CD163L1: variants seen among roughly 807,000 people sequenced by gnomAD.
CD163L1 encodes the protein CD163 molecule like 1, also known as scavenger receptor cysteine-rich type 1 protein M160.
A neutral mutation model predicts 165.4 loss-of-function variants in CD163L1; 124 were observed. That is an observed-to-expected ratio of 0.75 (90% CI 0.65 to 0.87). The LOEUF (loss-of-function observed/expected upper bound fraction) is 0.87, where lower values mean the gene tolerates loss of function less well. Among genes scored for constraint, CD163L1 ranks in the 40% least tolerant of loss-of-function variants. CD163L1 has a pLI of 0.00. For missense variants in CD163L1, 1,525 were observed against 1,799.9 expected (o/e 0.85, Z 2.76); for synonymous variants, 585 against 662.2 (o/e 0.88, Z 1.79).
At chr12:7,352,289 A>C (rs1421977772), downstream of CD163L1, among the ~76,000 whole-genome samples, 1 of 152,120 alleles carries the variant, frequency 6.6e-6, no homozygotes, top group Non-Finnish European at 1.5e-5. Context: ...AAATGACCCA[A>C]CTTAGAGTAA....
intron 8 of CD163L1, among the ~76,000 whole-genome samples, chr12:7,390,624 C>T (rs1325813262): frequency 2.0e-5 from 3 of 152,036 alleles, no homozygotes; most frequent in Non-Finnish European, 2.9e-5. Context: ...GATAACTCTA[C>T]GTCTACCTAC....
At chr12:7,421,047 A>ATACATATATATATACGTGTATATATACG (rs1565808776) in intron 4 of CD163L1, among the ~76,000 whole-genome samples, 1 of 97,990 alleles carries the variant, frequency 1.0e-5, no homozygotes, top group Non-Finnish European at 1.8e-5. Flanking sequence ...GTGTATATAT[A>ATACATATATATATACGTGTATATATACG]TGTATATACG....
At chr12:7,407,681 A>G (rs974975541) in intron 4 of CD163L1, among the ~76,000 whole-genome samples, 7 of 151,754 alleles carry the variant, frequency 4.6e-5, no homozygotes, top group African/African-American at 1.7e-4. Flanking sequence ...ATACACACAC[A>G]TATATATAGT....
At chr12:7,323,623 C>A in the CD163L1 span, 1 of 1,425,284 alleles carries the variant, frequency 7.0e-7, no homozygotes, top group Non-Finnish European at 9.8e-7. Context: ...TCATTTCCAC[C>A]GTGTCTTGCT....
At chr12:7,367,001 G>A (rs1031111523) in intron 18 of CD163L1, among the ~76,000 whole-genome samples, 3 of 152,122 alleles carry the variant, frequency 2.0e-5, no homozygotes, top group South Asian at 2.1e-4. Context: ...TTTGCTTGGT[G>A]CCTCTGCCAT....
chr12:7,379,467 T>G (rs1481411527), intron 8 of CD163L1, among the ~76,000 whole-genome samples, 169 bp from the exon 9 acceptor site: 2 of 152,218 alleles, frequency 1.3e-5, no homozygotes, highest in African/African-American at 4.8e-5. Flanking sequence ...TCAAACTTAA[T>G]TTTCCTTTTT....
intron 8 of CD163L1, among the ~76,000 whole-genome samples, chr12:7,380,293 G>GTATACACATATACATACA (rs1565783990): frequency 8.6e-6 from 1 of 115,840 alleles, no homozygotes; most frequent in African/African-American, 2.9e-5. Flanking sequence ...GTGTGTGTGT[G>GTATACACATATACATACA]TGTGTGTGTA....
chr12:7,363,971 CA>C (rs1449979036), intron 18 of CD163L1, among the ~76,000 whole-genome samples: 1 of 151,938 alleles, frequency 6.6e-6, no homozygotes, highest in Non-Finnish European at 1.5e-5. Flanking sequence ...CAAAACCAGA[CA>C]ATGAAACAAC....
the CD163L1 span, among the ~76,000 whole-genome samples, chr12:7,330,280 CAT>C: frequency 2.0e-5 from 3 of 152,200 alleles, no homozygotes; most frequent in African/African-American, 4.8e-5. Context: ...ATTAAATAAA[CAT>C]AGCCACCTGT....
chr12:7,379,410 T>C (rs1947340712), intron 8 of CD163L1, 112 bp from the exon 9 acceptor site: 1 of 1,049,756 alleles, frequency 9.5e-7, no homozygotes, highest in Non-Finnish European at 1.3e-6. Flanking sequence ...TGAGAGATTG[T>C]TTAGGTCCCG....
intron 8 of CD163L1, among the ~76,000 whole-genome samples, chr12:7,390,246 C>T (rs895195846): frequency 6.6e-6 from 1 of 151,648 alleles, no homozygotes; most frequent in African/African-American, 2.4e-5. Flanking sequence ...TAGGTACAAA[C>T]ATACAGTTAA....
chr12:7,375,016 G>T, intron 11 of CD163L1, 93 bp from the exon 12 acceptor site: 1 of 1,195,534 alleles, frequency 8.4e-7, no homozygotes, highest in Non-Finnish European at 1.2e-6. Flanking sequence ...CTGCAATTGT[G>T]ATAAGGACTT....
In CD163L1 at chr12:7,347,035, A is replaced by G. The variant is rs1946675338; in HGVS notation, c.*137T>C. The G allele has an allele frequency of 6.6e-6, 1 of 152,234 alleles. No homozygotes were observed. Among genetic ancestry groups the G allele is most frequent in the Admixed American group, 6.5e-5 (1 of 15,288 alleles). The allele number at this position is 152,234 out of a possible 1,614,324, so 9.4% of individuals were successfully genotyped here. A position where few individuals can be genotyped will look rare whatever the true frequency, so the allele number is the denominator to read the frequency against. On this transcript the variant is annotated 3_prime_UTR_variant, in exon 5 of 5. Coordinates refer to the CD163L1 transcript ENST00000539726. This position sits in a 1 kb window ranked among gnomAD's most constrained non-coding sequence, Gnocchi z 4.2. ...GGGATGCTCTCTGCTTACCTGCAGCAGAAAAACTGATCACACTGTAGGATT... is the reference window on the plus strand; with the variant it reads ...GGGATGCTCTCTGCTTACCTGCAGCGGAAAAACTGATCACACTGTAGGATT...
intron 18 of CD163L1, among the ~76,000 whole-genome samples, chr12:7,364,207 G>C (rs1245965027): frequency 6.6e-6 from 1 of 152,064 alleles, no homozygotes; most frequent in Non-Finnish European, 1.5e-5. Flanking sequence ...CATGCCAATA[G>C]ATGCTAAAAA....
intron 18 of CD163L1, among the ~76,000 whole-genome samples, chr12:7,365,341 G>A (rs755463716): frequency 1.1e-3 from 167 of 152,202 alleles, no homozygotes; most frequent in Non-Finnish European, 1.8e-3. Flanking sequence ...AAACACTCCA[G>A]GATATTGGTC....
rs556138453 is a variant in CD163L1, at chr12:7,369,206, T to G, written c.4039+151A>C. 4.2e-6 allele frequency: 4 copies of G among 947,924 alleles called. No homozygotes were observed. Among genetic ancestry groups the G allele is most frequent in the East Asian group, 4.8e-5 (2 of 41,240 alleles). The allele number at this position is 947,924 out of a possible 1,614,324, so 58.7% of individuals were successfully genotyped here. On this transcript the variant is annotated intron_variant, in intron 15 of 19. Coordinates refer to ENST00000313599, the MANE Select transcript of CD163L1 (RefSeq NM_174941.6). The surrounding 1 kb of genome is among the most constrained non-coding windows in gnomAD (Gnocchi z 4.9). ...GATAACAGTGGAACATTATCTTATT[T>G]AGTTGTGGAAAAACGTTAGTTTAAC...
intron 2 of CD163L1, among the ~76,000 whole-genome samples, chr12:7,434,775 TTC>T (rs1948693422): frequency 6.6e-6 from 1 of 152,088 alleles, no homozygotes; most frequent in East Asian, 1.9e-4. Flanking sequence ...GGCTTCCCAG[TTC>T]TGAGTTTCAG....
At chr12:7,346,833 A>G (rs1946673649) in exon 5 of CD163L1, 1 of 152,170 alleles carries the variant, frequency 6.6e-6, no homozygotes, top group African/African-American at 2.4e-5. Context: ...GCGAAACCGT[A>G]TCTTCCATGA....
At chr12:7,367,827 A>G (rs765827055) in intron 17 of CD163L1, among the ~76,000 whole-genome samples, 16 of 152,212 alleles carry the variant, frequency 1.1e-4, no homozygotes, top group Non-Finnish European at 1.9e-4. Context: ...CCTTCCTTCT[A>G]TCAGCTAAGA....
Sources: gnomAD v4.1 joint callset for allele counts (sites outside exome capture counted in the v4.1 genomes callset) on GRCh38, gnomAD v4.1.1 for gene constraint, Gnocchi (gnomAD v3.1) non-coding constraint, MANE v1.5 for transcripts, NCBI Gene and HGNC (gene_info 2026-07-23, HGNC 2026-07-21) for gene names.